VSTM4: variants seen among roughly 807,000 people sequenced by gnomAD.
VSTM4 encodes V-set and transmembrane domain-containing protein 4.
A neutral mutation model predicts 36.4 loss-of-function variants in VSTM4; 20 were observed. That is an observed-to-expected ratio of 0.55 (90% CI 0.39 to 0.80). The LOEUF (loss-of-function observed/expected upper bound fraction) is 0.80, where lower values mean the gene tolerates loss of function less well. Ranked by LOEUF, VSTM4 falls within the 30% of genes least tolerant of loss-of-function variation. The pLI, the probability that VSTM4 is intolerant of heterozygous loss-of-function variation, is 0.00. For synonymous variants in VSTM4, 182 were observed against 173.9 expected (o/e 1.05, Z -0.37); for missense variants, 392 against 404.5 (o/e 0.97, Z 0.26).
intron 2 of VSTM4, among the ~76,000 whole-genome samples, chr10:49,088,306 C>A (rs935236403): frequency 1.3e-5 from 2 of 152,186 alleles, no homozygotes; most frequent in African/African-American, 4.8e-5. Flanking sequence ...ATATTTCTTT[C>A]TGACTTCCTC....
intron 5 of VSTM4, among the ~76,000 whole-genome samples, chr10:49,058,905 T>C (rs76566948): frequency 0.021 from 3,219 of 152,266 alleles, 98 homozygotes; most frequent in South Asian, 0.12. Flanking sequence ...GGCATTCTTC[T>C]TGATCACAGC....
intron 2 of VSTM4, among the ~76,000 whole-genome samples, chr10:49,105,817 T>A (rs978104171): frequency 6.6e-6 from 1 of 150,912 alleles, no homozygotes; most frequent in African/African-American, 2.4e-5. Flanking sequence ...AATTCACACA[T>A]ACACACGTAT....
intron 5 of VSTM4, among the ~76,000 whole-genome samples, chr10:49,048,862 G>A (rs370126975): frequency 2.0e-5 from 3 of 152,316 alleles, no homozygotes; most frequent in Admixed American, 6.5e-5. Context: ...TTCCTTGGAG[G>A]GACCCAGCGT....
intron 7 of VSTM4, among the ~76,000 whole-genome samples, chr10:49,029,083 T>G (rs1488205069): frequency 6.6e-6 from 1 of 152,242 alleles, no homozygotes; most frequent in Non-Finnish European, 1.5e-5. Context: ...AGCTTGAGGC[T>G]GTGCATTCAG....
chr10:49,089,733 T>C (rs960590936), intron 2 of VSTM4, among the ~76,000 whole-genome samples: 3 of 152,226 alleles, frequency 2.0e-5, no homozygotes, highest in African/African-American at 4.8e-5. Flanking sequence ...AATTTTTACA[T>C]GGACCCTGCC....
intron 1 of VSTM4, among the ~76,000 whole-genome samples, chr10:49,113,871 A>G (rs1344469988): frequency 2.0e-5 from 3 of 152,136 alleles, no homozygotes; most frequent in African/African-American, 7.2e-5. Context: ...AGCTCTTATC[A>G]TCCTCCAGGG....
intron 5 of VSTM4, among the ~76,000 whole-genome samples, chr10:49,056,555 CATG>C (rs1459270251): frequency 6.6e-6 from 1 of 152,238 alleles, no homozygotes. Context: ...TGGATGGATG[CATG>C]TGGGCTGACC....
intron 5 of VSTM4, among the ~76,000 whole-genome samples, chr10:49,053,104 A>C (rs879561224): frequency 1.3e-5 from 2 of 152,254 alleles, no homozygotes; most frequent in Non-Finnish European, 2.9e-5. Flanking sequence ...CTGACACAAC[A>C]GAGCAAGCCT....
chr10:49,076,387 G>A (rs1590110306), intron 4 of VSTM4, among the ~76,000 whole-genome samples: 1 of 152,304 alleles, frequency 6.6e-6, no homozygotes, highest in African/African-American at 2.4e-5. Context: ...GATGAGGAAA[G>A]CAGGCACAGA....
At chr10:49,051,060 C>T (rs1429519613) in intron 5 of VSTM4, among the ~76,000 whole-genome samples, 1 of 152,210 alleles carries the variant, frequency 6.6e-6, no homozygotes, top group Non-Finnish European at 1.5e-5. Flanking sequence ...ATCAGTATCC[C>T]TCAAAGTCCA....
chr10:49,112,242 CA>C (rs1334179066), intron 1 of VSTM4, among the ~76,000 whole-genome samples: 2 of 152,340 alleles, frequency 1.3e-5, no homozygotes, highest in South Asian at 4.1e-4. Context: ...CCTGCTGCAG[CA>C]AATCCCAGTC....
chr10:49,097,135 G>A (rs949444908), intron 2 of VSTM4, among the ~76,000 whole-genome samples: 7 of 152,134 alleles, frequency 4.6e-5, no homozygotes, highest in Non-Finnish European at 8.8e-5. Flanking sequence ...CGCTTTCCAC[G>A]GGAACCTTAG....
At chr10:49,051,990 C>T (rs1247421997) in intron 5 of VSTM4, among the ~76,000 whole-genome samples, 3 of 151,934 alleles carry the variant, frequency 2.0e-5, no homozygotes, top group South Asian at 2.1e-4. Flanking sequence ...AGGAAATAAG[C>T]CGATGTTTAC....
At chr10:49,110,606 T>G (rs1011172176) in intron 1 of VSTM4, among the ~76,000 whole-genome samples, 4 of 152,012 alleles carry the variant, frequency 2.6e-5, no homozygotes, top group African/African-American at 9.7e-5. Context: ...TATTTGCAGA[T>G]AGGGTCTTTA....
intron 5 of VSTM4, among the ~76,000 whole-genome samples, chr10:49,059,680 G>A (rs940875067): frequency 5.3e-5 from 8 of 152,066 alleles, no homozygotes; most frequent in Non-Finnish European, 1.0e-4. Context: ...CTAGTCTTGG[G>A]GGCCTTATTG....
chr10:49,040,555 G>A (rs529781749), intron 7 of VSTM4, among the ~76,000 whole-genome samples: 30 of 152,196 alleles, frequency 2.0e-4, no homozygotes, highest in Non-Finnish European at 3.5e-4. Flanking sequence ...CAAATTGCTG[G>A]GATTACAGGC....
Position 49,053,411 on chromosome 10 carries a change from G to A in VSTM4, c.669-4827C>T, listed in dbSNP as rs185143956. On this transcript the variant is annotated intron_variant, in intron 5 of 7. Transcript: ENST00000332853. ...GATTGAGTGAACAGGTGCTGAACAG[G>A]GGTCAAAAGGCCACTAAAGCTGATT... Among the ~76,000 whole-genome samples the A allele has an allele frequency of 1.5e-4, 23 of 152,262 alleles. No homozygotes were observed. In the East Asian group the frequency reaches 3.9e-3, roughly 26 times the overall value.
At chr10:49,096,780 G>A (rs1298153647) in intron 2 of VSTM4, among the ~76,000 whole-genome samples, 4 of 151,864 alleles carry the variant, frequency 2.6e-5, no homozygotes, top group Non-Finnish European at 4.4e-5. Context: ...TCAGCCTGCC[G>A]AGTAGCTGGG....
Position 49,092,543 on chromosome 10 carries a change from C to A in VSTM4, c.458-6520G>T, listed in dbSNP as rs573430208. Among the ~76,000 whole-genome samples, 3 of 152,046 alleles carry A rather than the reference C, an allele frequency of 2.0e-5. No homozygotes were observed. The East Asian group carries it at 5.8e-4, about 29-fold the overall frequency. ...CAGAAGTGTTATCTACAAAGTGATA[C>A]GGGAGTGCTGGGAAGAGAAGAGTAT... On this transcript the variant is annotated intron_variant, in intron 2 of 7. Coordinates refer to ENST00000332853, the MANE Select transcript of VSTM4 (RefSeq NM_001031746.5).
Sources: gnomAD v4.1 joint callset for allele counts (sites outside exome capture counted in the v4.1 genomes callset) on GRCh38, gnomAD v4.1.1 for gene constraint, MANE v1.5 for transcripts, NCBI Gene and HGNC (gene_info 2026-07-23, HGNC 2026-07-21) for gene names.